Variants in TANC2 observed in about 807,000 individuals in gnomAD.
TANC2 encodes protein TANC2.
Under a neutral mutation model 210.5 loss-of-function variants are expected in TANC2, and 26 were observed. The ratio of observed to expected loss-of-function variants is 0.12; its 90% CI spans 0.09 to 0.17. The LOEUF (loss-of-function observed/expected upper bound fraction) is 0.17. Among genes scored for constraint, TANC2 ranks in the 10% least tolerant of loss-of-function variants. TANC2 has a pLI of 1.00. For missense variants in TANC2, 2,129 were observed against 2,608.9 expected, an observed-to-expected ratio of 0.82 and a Z score of 4.01; for synonymous variants, 931 against 967.1, an observed-to-expected ratio of 0.96 and a Z score of 0.69.
exon 14 of TANC2, chr17:63,354,885 C>T (rs772391568): frequency 6.2e-7 from 1 of 1,613,680 alleles, no homozygotes; most frequent in African/African-American, 1.3e-5. Context: ...GCACCGGATA[C>T]ACAGCAGCTC....
At position 63,365,321 on chromosome 17, in the gene TANC2, G is replaced by A. The variant is rs559973257; in HGVS notation, c.2582+9931G>A. 1.4e-4 allele frequency among the ~76,000 whole-genome samples: 21 copies of A among 152,278 alleles called. 1 individual carries two copies. The highest frequency in any genetic ancestry group is 1.2e-3 in the Admixed American group (19 of 15,300). On this transcript the variant is annotated intron_variant, in intron 14 of 27. Coordinates refer to ENST00000689528, the Ensembl canonical transcript of TANC2. Reference sequence around the variant, plus strand: ...TGTGAGACATGAATTTACTGTAGCCGTCCACATATCCAGTTGGTTCTACCA... The same window carrying A: ...TGTGAGACATGAATTTACTGTAGCCATCCACATATCCAGTTGGTTCTACCA...
At chr17:63,329,753 A>G (rs902592615) in intron 11 of TANC2, among the ~76,000 whole-genome samples, 12 of 152,196 alleles carry the variant, frequency 7.9e-5, no homozygotes, top group African/African-American at 2.7e-4. Context: ...CTGACCAGCC[A>G]TTCCCCCATC....
chr17:63,223,818 T>C (rs2042259151), intron 7 of TANC2, among the ~76,000 whole-genome samples: 1 of 152,118 alleles, frequency 6.6e-6, no homozygotes, highest in South Asian at 2.1e-4. Flanking sequence ...TACTGCATCC[T>C]GTGTTTAATC....
At chr17:63,228,552 C>T (rs1189090255) in intron 7 of TANC2, among the ~76,000 whole-genome samples, 1 of 152,186 alleles carries the variant, frequency 6.6e-6, no homozygotes, top group Non-Finnish European at 1.5e-5. Flanking sequence ...TTGATTCTTC[C>T]TATCCATGAG....
At chr17:63,329,767 G>A (rs2045774131) in intron 11 of TANC2, among the ~76,000 whole-genome samples, 2 of 152,092 alleles carry the variant, frequency 1.3e-5, no homozygotes, top group Admixed American at 1.3e-4. Flanking sequence ...CCCCATCTCT[G>A]TCTCCTTGGG....
intron 17 of TANC2, among the ~76,000 whole-genome samples, chr17:63,394,635 T>C (rs932079081): frequency 2.0e-5 from 3 of 152,224 alleles, no homozygotes; most frequent in African/African-American, 7.2e-5. Context: ...TCATGTGCCC[T>C]ACTCTTACAA....
At chr17:63,335,381 G>GTGGGCAGAC (rs1395700751) in intron 11 of TANC2, among the ~76,000 whole-genome samples, 1 of 152,052 alleles carries the variant, frequency 6.6e-6, no homozygotes, top group East Asian at 1.9e-4. Flanking sequence ...GGGAGGCCGA[G>GTGGGCAGAC]GTGGGCAGAT....
intron 4 of TANC2, chr17:63,125,293 A>G (rs558128719): frequency 6.6e-6 from 1 of 152,366 alleles, no homozygotes; most frequent in South Asian, 2.1e-4. Flanking sequence ...AGCCTCTAGT[A>G]CATAGTAACT....
intron 7 of TANC2, among the ~76,000 whole-genome samples, chr17:63,204,859 C>T (rs559150851): frequency 7.3e-4 from 111 of 152,102 alleles, no homozygotes; most frequent in Non-Finnish European, 1.2e-3. Context: ...CCAAGGCAGA[C>T]GGATCAGTTG....
intron 9 of TANC2, among the ~76,000 whole-genome samples, chr17:63,302,395 A>G (rs1279598844): frequency 6.6e-6 from 1 of 151,960 alleles, no homozygotes; most frequent in East Asian, 1.9e-4. Flanking sequence ...GTCTCCCACT[A>G]TTATTGTGTG....
intron 21 of TANC2, among the ~76,000 whole-genome samples, chr17:63,410,230 A>C (rs1481041092): frequency 2.0e-5 from 3 of 152,160 alleles, no homozygotes; most frequent in Admixed American, 2.0e-4. Flanking sequence ...ACTATAGTTA[A>C]CTATAGAGTA....
chr17:63,026,315 G>A (rs953937217), intron 2 of TANC2, among the ~76,000 whole-genome samples: 5 of 151,860 alleles, frequency 3.3e-5, no homozygotes, highest in African/African-American at 9.7e-5. Context: ...GTACCTGCCC[G>A]GCACATAGCA....
chr17:63,192,211 CGAG>C (rs2145736685), intron 5 of TANC2, among the ~76,000 whole-genome samples: 1 of 152,014 alleles, frequency 6.6e-6, no homozygotes, highest in African/African-American at 2.4e-5. Context: ...TATTTTGAGA[CGAG>C]GTAAGTAAAT....
intron 7 of TANC2, among the ~76,000 whole-genome samples, chr17:63,230,424 T>C (rs767837245): frequency 3.9e-5 from 6 of 152,208 alleles, no homozygotes; most frequent in Non-Finnish European, 8.8e-5. Context: ...CATTTAGTGC[T>C]GTAAATTTCC....
intron 14 of TANC2, among the ~76,000 whole-genome samples, chr17:63,358,377 G>GAGAA (rs1228823721): frequency 9.9e-6 from 1 of 101,102 alleles, no homozygotes; most frequent in African/African-American, 3.6e-5. Flanking sequence ...GAGAGAGAGA[G>GAGAA]TATGTGTGTG....
At chr17:63,192,212 G>A (rs1247594979) in intron 5 of TANC2, among the ~76,000 whole-genome samples, 3 of 152,152 alleles carry the variant, frequency 2.0e-5, no homozygotes, top group African/African-American at 4.8e-5. Flanking sequence ...ATTTTGAGAC[G>A]AGGTAAGTAA....
At chr17:63,063,361 G>A (rs1158654349) in intron 2 of TANC2, among the ~76,000 whole-genome samples, 4 of 152,126 alleles carry the variant, frequency 2.6e-5, no homozygotes, top group African/African-American at 9.7e-5. Context: ...CCAGGAGGAT[G>A]GGGCATGATG....
intron 2 of TANC2, among the ~76,000 whole-genome samples, chr17:63,027,880 A>T (rs2144094257): frequency 6.6e-6 from 1 of 152,204 alleles, no homozygotes; most frequent in Admixed American, 6.5e-5. Flanking sequence ...GTAACCAAAA[A>T]TTTGACCTTA....
intron 8 of TANC2, among the ~76,000 whole-genome samples, chr17:63,261,443 G>A (rs969884548): frequency 1.3e-5 from 2 of 152,114 alleles, no homozygotes; most frequent in Non-Finnish European, 2.9e-5. Flanking sequence ...TCTCCATGAA[G>A]GGGATCCTGC....
Sources: gnomAD v4.1 joint callset for allele counts (sites outside exome capture counted in the v4.1 genomes callset) on GRCh38, gnomAD v4.1.1 for gene constraint, MANE v1.5 for transcripts, NCBI Gene and HGNC (gene_info 2026-07-23, HGNC 2026-07-21) for gene names.